The following LDHC variants were observed in gnomAD, a reference collection of about 807,000 sequenced individuals.
The protein encoded by LDHC is L-lactate dehydrogenase C chain.
A neutral mutation model predicts 30.2 loss-of-function variants in LDHC; 20 were observed. The ratio of observed to expected loss-of-function variants is 0.66; its 90% CI spans 0.47 to 0.96. LDHC has a LOEUF of 0.96. Ranked by LOEUF, LDHC falls within the 40% of genes least tolerant of loss-of-function variation. The probability of loss-of-function intolerance (pLI) is 0.00; values close to 1 mark genes in which losing one functional copy is unlikely to be tolerated. For missense variants in LDHC, 362 were observed against 394.9 expected (o/e 0.92, Z 0.71); for synonymous variants, 139 against 132.7 (o/e 1.05, Z -0.32).
chr11:18,439,290 G>T (rs1321155353), intron 6 of LDHC, among the ~76,000 whole-genome samples: 1 of 152,044 alleles, frequency 6.6e-6, no homozygotes, highest in African/African-American at 2.4e-5. Flanking sequence ...TGGCTGGGCG[G>T]GGTGGCTCAC....
In LDHC at chr11:18,429,826, C is replaced by T. The variant is rs771264967; in HGVS notation, c.334C>T (p.Arg112Cys). 2.2e-5 allele frequency: 36 copies of T among 1,610,618 alleles called. No individual in the cohort carries two copies. The highest frequency in any genetic ancestry group is 1.3e-4 in the East Asian group (6 of 44,858). Residue 112 changes from arginine to cysteine, a missense_variant, in exon 4 of 8, where the codon CGT (arginine) becomes TGT (cysteine). Coordinates refer to ENST00000541669, the MANE Select transcript of LDHC (RefSeq NM_017448.5). The stretch of plus-strand genomic sequence containing the variant: ...AGAAACTCGCCTTGCCCTGGTCCAA[C>T]GTAATGTGGCTATAATGAAATCAAT... ...EGETRLALVQ[R>C]NVAIMKSIIP...
Position 18,442,617 on chromosome 11 carries a change from T to C in LDHC, c.711-3593T>C, listed in dbSNP as rs1186991760. Among the ~76,000 whole-genome samples, 5 of 152,142 alleles carry C rather than the reference T, an allele frequency of 3.3e-5. No homozygotes were observed. In the East Asian group the frequency reaches 7.7e-4, roughly 23 times the overall value. On this transcript the variant is annotated intron_variant, in intron 6 of 7. Coordinates refer to ENST00000541669, the MANE Select transcript of LDHC (RefSeq NM_017448.5). ...ATCACTTGCGTCTTATTAAAGGTAT[T>C]GATACACGCATTCAATCACATGTTT...
At chr11:18,438,456 AAAC>A (rs778871710) in intron 5 of LDHC, 69 bp from the exon 6 acceptor site, 627 of 984,660 alleles carry the variant, frequency 6.4e-4, no homozygotes, top group Non-Finnish European at 9.7e-4. Flanking sequence ...TAACTTAAAA[AAAC>A]AACACTGAAC....
Position 18,446,351 on chromosome 11 carries a change from C to G in LDHC, c.834+18C>G, listed in dbSNP as rs12806009. The stretch of plus-strand genomic sequence containing the variant: ...TGGTTAAGGTAGGCTTAAATTAAAT[C>G]TTCATTTATCATTCTTTCCTTTAAT... On this transcript the variant is annotated intron_variant, in intron 7 of 7. Coordinates refer to ENST00000541669, the MANE Select transcript of LDHC (RefSeq NM_017448.5). The G allele has an allele frequency of 1.3e-6, 2 of 1,562,386 alleles. No homozygotes were observed. The highest frequency in any genetic ancestry group is 1.8e-6 in the Non-Finnish European group (2 of 1,134,200).
At chr11:18,449,702 G>A (rs1848622048) in intron 7 of LDHC, among the ~76,000 whole-genome samples, 1 of 152,200 alleles carries the variant, frequency 6.6e-6, no homozygotes, top group African/African-American at 2.4e-5. Context: ...CTATGGTAGA[G>A]GAGGTAACCA....
intron 3 of LDHC, among the ~76,000 whole-genome samples, chr11:18,427,328 T>G (rs966956897): frequency 1.6e-4 from 24 of 152,214 alleles, no homozygotes; most frequent in East Asian, 3.9e-4. Context: ...GCACTCCAGC[T>G]TGGGCGACAG....
chr11:18,439,828 A>C (rs930756300), intron 6 of LDHC, among the ~76,000 whole-genome samples: 8 of 144,940 alleles, frequency 5.5e-5, no homozygotes, highest in African/African-American at 2.0e-4. Context: ...AAAAAAAAAA[A>C]AAAAAAAACA....
In LDHC at chr11:18,449,474, G is replaced by C. The variant is rs187180384; in HGVS notation, c.835-1489G>C. Among the ~76,000 whole-genome samples, 12 of 142,834 alleles carry C rather than the reference G, an allele frequency of 8.4e-5. 1 individual carries two copies. The highest frequency in any genetic ancestry group is 4.2e-4 in the Admixed American group (6 of 14,246). 93.7% of individuals were successfully genotyped at this position (142,834 alleles called of 152,430 possible). A position where few individuals can be genotyped will look rare whatever the true frequency, so the allele number is the denominator to read the frequency against. ...AAAAAAAAAAAAAGAGGATAGGGAA[G>C]TGAATTGCGAATTTCAGTATGACTG... On this transcript the variant is annotated intron_variant, in intron 7 of 7. Transcript: ENST00000541669.
At chr11:18,438,715 T>C (rs1848403363) in intron 6 of LDHC, 70 bp downstream of exon 6, 1 of 786,434 alleles carries the variant, frequency 1.3e-6, no homozygotes, top group African/African-American at 1.7e-5. Flanking sequence ...CGGACAAAAA[T>C]CAAGTAGTTG....
intron 3 of LDHC, among the ~76,000 whole-genome samples, chr11:18,421,291 G>A (rs1276401354): frequency 3.3e-5 from 5 of 151,654 alleles, no homozygotes; most frequent in Non-Finnish European, 7.4e-5. Flanking sequence ...CTGACCTCAG[G>A]TGGTCTGCCC....
chr11:18,419,217 A>AGATTTTTT (rs1363612781), intron 3 of LDHC, among the ~76,000 whole-genome samples: 3 of 152,198 alleles, frequency 2.0e-5, no homozygotes, highest in Non-Finnish European at 4.4e-5. Flanking sequence ...TGCAAAAGGA[A>AGATTTTTT]GCCACAGACA....
chr11:18,424,513 A>G (rs1848127676), intron 3 of LDHC, among the ~76,000 whole-genome samples: 1 of 152,212 alleles, frequency 6.6e-6, no homozygotes, highest in African/African-American at 2.4e-5. Flanking sequence ...ACTAGGATAC[A>G]TGTACAAGAA....
intron 3 of LDHC, among the ~76,000 whole-genome samples, chr11:18,429,436 G>C (rs1188613188): frequency 6.6e-6 from 1 of 152,102 alleles, no homozygotes; most frequent in African/African-American, 2.4e-5. Flanking sequence ...TAAGAAGGCA[G>C]AGAGCTGACT....
rs575447130 is a variant in LDHC at position 18,446,758 on chromosome 11, A to G, written c.834+425A>G. On this transcript the variant is annotated intron_variant, in intron 7 of 7. Coordinates refer to ENST00000541669, the MANE Select transcript of LDHC (RefSeq NM_017448.5). ...CTTCCAACTCATGCAGACTTTTTCCATGGGGCAACAAAGATGGGTCACAGT... is the reference window on the plus strand; with the variant it reads ...CTTCCAACTCATGCAGACTTTTTCCGTGGGGCAACAAAGATGGGTCACAGT... Among the ~76,000 whole-genome samples the G allele has an allele frequency of 4.6e-5, 7 of 152,208 alleles. No homozygotes were observed. In the South Asian group the frequency reaches 1.2e-3, roughly 27 times the overall value.
chr11:18,448,038 G>A (rs1848584349), intron 7 of LDHC, among the ~76,000 whole-genome samples: 1 of 121,322 alleles, frequency 8.2e-6, no homozygotes, highest in Non-Finnish European at 1.6e-5. Flanking sequence ...AACAGAATGA[G>A]ACTCTGTCTC....
intron 7 of LDHC, among the ~76,000 whole-genome samples, chr11:18,447,300 A>T (rs988741605): frequency 6.6e-6 from 1 of 151,524 alleles, no homozygotes; most frequent in African/African-American, 2.4e-5. Flanking sequence ...CACCCGGCTA[A>T]TTTTTTTTGT....
chr11:18,420,777 A>G (rs997756007), intron 3 of LDHC, among the ~76,000 whole-genome samples: 4 of 151,876 alleles, frequency 2.6e-5, no homozygotes, highest in Admixed American at 2.6e-4. Flanking sequence ...GATCTCACAT[A>G]CAAGATCTGT....
chr11:18,441,297 A>G (rs1848460637), intron 6 of LDHC, among the ~76,000 whole-genome samples: 1 of 151,996 alleles, frequency 6.6e-6, no homozygotes, highest in Admixed American at 6.6e-5. Flanking sequence ...GCATATCAGT[A>G]TCTTCTTTAG....
At chr11:18,426,356 G>T (rs61882877) in intron 3 of LDHC, among the ~76,000 whole-genome samples, 17 of 151,694 alleles carry the variant, frequency 1.1e-4, no homozygotes, top group Non-Finnish European at 2.2e-4. Context: ...GCAAAAGCCC[G>T]TTTCTACTAA....
Sources: allele counts gnomAD v4.1 joint callset (sites outside exome capture counted in the v4.1 genomes callset), GRCh38; gene constraint gnomAD v4.1.1; transcripts MANE v1.5; gene names NCBI Gene and HGNC (gene_info 2026-07-23, HGNC 2026-07-21).